The following P4HA2 variants were observed in gnomAD, a reference collection of about 807,000 sequenced individuals.
P4HA2 encodes prolyl 4-hydroxylase subunit alpha-2.
Under a neutral mutation model 76.9 loss-of-function variants are expected in P4HA2, and 46 were observed. The observed-to-expected ratio is 0.60, with a 90% CI of 0.47 to 0.76. P4HA2 has a LOEUF of 0.76. P4HA2 is among the 30% of genes least tolerant of loss of function. The probability of loss-of-function intolerance (pLI) is 0.00; values close to 1 mark genes in which losing one functional copy is unlikely to be tolerated. For missense variants in P4HA2, 583 were observed against 669.4 expected (o/e 0.87, Z 1.42); for synonymous variants, 243 against 254.0 (o/e 0.96, Z 0.41).
chr5:132,204,867 C>T (rs1480156164), intron 8 of P4HA2, among the ~76,000 whole-genome samples: 1 of 152,252 alleles, frequency 6.6e-6, no homozygotes, highest in African/African-American at 2.4e-5. Flanking sequence ...TTCATCTCCC[C>T]CAGCCTCCAC....
chr5:132,206,930 A>C (rs1423854781), intron 8 of P4HA2, among the ~76,000 whole-genome samples: 4 of 152,224 alleles, frequency 2.6e-5, no homozygotes, highest in South Asian at 2.1e-4. Context: ...ACTAGCTGCA[A>C]TCTGTATGAG....
In P4HA2 at chr5:132,221,799, G is replaced by A. The variant is rs73788827; in HGVS notation, c.-18-3155C>T. Among the ~76,000 whole-genome samples, 218 of 152,170 alleles carry A rather than the reference G, an allele frequency of 1.4e-3. 1 individual carries two copies. The highest frequency in any genetic ancestry group is 4.4e-3 in the African/African-American group (184 of 41,496). On this transcript the variant is annotated intron_variant, in intron 1 of 14. Transcript: ENST00000360568. ...GGCCCTTCTCAAACAGACTCCAAAC[G>A]GGCCCTGCCAGCCCTAGTGTTTGGA...
At chr5:132,201,669 C>T (rs1242160510) in intron 10 of P4HA2, 1 of 152,320 alleles carries the variant, frequency 6.6e-6, no homozygotes, top group East Asian at 1.9e-4. Context: ...AGATCCTTAA[C>T]TATAAGAGCC....
chr5:132,192,001 T>C lies in P4HA2; in HGVS notation c.*1009A>G, dbSNP rs1749960675. The C allele has an allele frequency of 6.6e-6, 1 of 152,206 alleles. No homozygotes were observed. Among genetic ancestry groups the C allele is most frequent in the African/African-American group, 2.4e-5 (1 of 41,430 alleles). The allele number at this position is 152,206 out of a possible 1,614,324, so 9.4% of individuals were successfully genotyped here. ...ACAATGTTGAACAAAAGAAGCCACA[T>C]ACCCAAAAATATTTACTCTCATTCT... On this transcript the variant is annotated 3_prime_UTR_variant, in exon 15 of 15. Coordinates refer to ENST00000360568, the MANE Select transcript of P4HA2 (RefSeq NM_001017974.2).
chr5:132,207,876 A>G lies in P4HA2; in HGVS notation c.912T>C (p.Arg304=). Reference sequence around the variant, plus strand: ...ACCTACAGAAAAGCCTCTTCTGTCTACGGGGTGTCTGGAAAGCACAGAGTA... The same window carrying G: ...ACCTACAGAAAAGCCTCTTCTGTCTGCGGGGTGTCTGGAAAGCACAGAGTA... ...CRGEGVKLTP[R]RQKRLFCRYH... is the part of the protein sequence containing the mutation. The change falls in exon 8 of 15, where the codon CGT becomes CGC. Residue 304 remains arginine, a synonymous_variant. Transcript: ENST00000360568. 6.4e-7 allele frequency: 1 copy of G among 1,574,028 alleles called. No homozygotes were observed. Among genetic ancestry groups the G allele is most frequent in the South Asian group, 1.2e-5 (1 of 82,944 alleles).
chr5:132,204,485 C>T (rs1449219248), intron 8 of P4HA2, among the ~76,000 whole-genome samples: 1 of 152,184 alleles, frequency 6.6e-6, no homozygotes, highest in Non-Finnish European at 1.5e-5. Flanking sequence ...TTGCCAGGCC[C>T]ACATACCACC....
At chr5:132,223,137 T>G (rs1337305330) in intron 1 of P4HA2, among the ~76,000 whole-genome samples, 1 of 152,216 alleles carries the variant, frequency 6.6e-6, no homozygotes, top group East Asian at 1.9e-4. Context: ...ATCTCCAGAC[T>G]CTGTTGAAGT....
In P4HA2 at chr5:132,218,533, G is replaced by A; in HGVS notation, c.82+12C>T. Reference sequence around the variant, plus strand: ...AAGGTGTCAGGGAGACGACAGTCCTGTTGGCACGTACCAATAGAGGTGAAG... The same window carrying A: ...AAGGTGTCAGGGAGACGACAGTCCTATTGGCACGTACCAATAGAGGTGAAG... On this transcript the variant is annotated intron_variant, in intron 2 of 14. Coordinates refer to ENST00000360568, the MANE Select transcript of P4HA2 (RefSeq NM_001017974.2). The A allele has an allele frequency of 6.3e-7, 1 of 1,593,904 alleles. No individual in the cohort carries two copies. The highest frequency in any genetic ancestry group is 8.6e-7 in the Non-Finnish European group (1 of 1,161,850).
intron 10 of P4HA2, chr5:132,202,239 C>A (rs1461420049): frequency 2.0e-5 from 3 of 152,118 alleles, no homozygotes; most frequent in Non-Finnish European, 4.4e-5. Context: ...TTTCACAGTA[C>A]TATTTGCAAG....
At chr5:132,218,721 G>T in intron 1 of P4HA2, 77 bp from the exon 2 acceptor site, 1 of 822,934 alleles carries the variant, frequency 1.2e-6, no homozygotes, top group Admixed American at 1.9e-5. Context: ...ACATAGGCAT[G>T]TACACACATA....
In P4HA2 at chr5:132,194,986, C is replaced by T. The variant is rs201287088; in HGVS notation, c.1471G>A (p.Gly491Arg). 6.8e-6 allele frequency: 11 copies of T among 1,613,584 alleles called. No homozygotes were observed. Among genetic ancestry groups the T allele is most frequent in the Middle Eastern group, 1.6e-4 (1 of 6,084 alleles). Residue 491 changes from glycine (G) to arginine (R), a missense_variant, in exon 14 of 15, where the codon GGG (glycine) becomes AGG (arginine). By Grantham distance (125) the Gly-to-Arg change is moderately radical. Coordinates refer to ENST00000360568, the MANE Select transcript of P4HA2 (RefSeq NM_001017974.2). ...TGTCTTGTTCGGTAGTCACCTTCCCCGCTCCGCAAGAGGTTGTACCAGAAC... is the reference window on the plus strand; with the variant it reads ...TGTCTTGTTCGGTAGTCACCTTCCCTGCTCCGCAAGAGGTTGTACCAGAAC... ...AVFWYNLLRS[G>R]EGDYRTRHAA...
intron 3 of P4HA2, 98 bp from the exon 4 acceptor site, chr5:132,217,446 G>A: frequency 8.4e-7 from 1 of 1,195,290 alleles, no homozygotes; most frequent in Non-Finnish European, 1.2e-6. Flanking sequence ...GCCAGGTTCT[G>A]GGGCCCTTTT....
intron 4 of P4HA2, among the ~76,000 whole-genome samples, chr5:132,215,288 A>G (rs1207904389): frequency 6.6e-6 from 1 of 152,242 alleles, no homozygotes; most frequent in Non-Finnish European, 1.5e-5. Context: ...GATGAAAACA[A>G]CCAATTATTC....
intron 5 of P4HA2, among the ~76,000 whole-genome samples, chr5:132,213,693 A>C (rs1753424939): frequency 6.6e-6 from 1 of 152,148 alleles, no homozygotes; most frequent in African/African-American, 2.4e-5. Context: ...TTTCTCTGAG[A>C]TGCAAGAGGA....
intron 1 of P4HA2, chr5:132,226,572 C>T (rs1755423962): frequency 1.3e-5 from 2 of 152,614 alleles, no homozygotes; most frequent in African/African-American, 2.4e-5. Context: ...CAGGTTCAAG[C>T]GATTCTCCTG....
In P4HA2 at chr5:132,192,991, G is replaced by T; in HGVS notation, c.*19C>A. On this transcript the variant is annotated 3_prime_UTR_variant, in exon 15 of 15. Coordinates refer to ENST00000360568, the MANE Select transcript of P4HA2 (RefSeq NM_001017974.2). Reference sequence around the variant, plus strand: ...GACATGGGCTGAAGGACCAGGAAGGGGAAGGACAGAAAAGGATGTCAGTCA... The same window carrying T: ...GACATGGGCTGAAGGACCAGGAAGGTGAAGGACAGAAAAGGATGTCAGTCA... 1 of 1,549,014 alleles carries T rather than the reference G, an allele frequency of 6.5e-7. No individual in the cohort carries two copies. Among genetic ancestry groups the T allele is most frequent in the African/African-American group, 1.4e-5 (1 of 73,760 alleles).
chr5:132,196,680 G>A (rs1238977539), intron 12 of P4HA2, among the ~76,000 whole-genome samples: 1 of 151,954 alleles, frequency 6.6e-6, no homozygotes, highest in African/African-American at 2.4e-5. Context: ...GGCCAAGATG[G>A]TGAAACCTCA....
intron 12 of P4HA2, among the ~76,000 whole-genome samples, chr5:132,196,896 T>C (rs2126534897): frequency 6.7e-6 from 1 of 149,060 alleles, no homozygotes; most frequent in Middle Eastern, 3.5e-3. Flanking sequence ...GAAGAATCTC[T>C]CTGATGTTTA....
At chr5:132,205,477 T>C (rs1282768736) in intron 8 of P4HA2, among the ~76,000 whole-genome samples, 1 of 152,058 alleles carries the variant, frequency 6.6e-6, no homozygotes, top group Non-Finnish European at 1.5e-5. Flanking sequence ...ACACTCAAAA[T>C]GTGAATGTAA....
Sources: gnomAD v4.1 joint callset for allele counts (sites outside exome capture counted in the v4.1 genomes callset) on GRCh38, gnomAD v4.1.1 for gene constraint, MANE v1.5 for transcripts, NCBI Gene and HGNC (gene_info 2026-07-23, HGNC 2026-07-21) for gene names.